ANKRD46: variants seen among roughly 807,000 people sequenced by gnomAD.
ANKRD46 encodes ankyrin repeat domain-containing protein 46.
A neutral mutation model predicts 19.8 loss-of-function variants in ANKRD46; 13 were observed. That is an observed-to-expected ratio of 0.66 (90% CI 0.43 to 1.04). ANKRD46 has a LOEUF of 1.04. Ranked by LOEUF, ANKRD46 falls within the 50% of genes least tolerant of loss-of-function variation. ANKRD46 has a pLI of 0.00. For missense variants in ANKRD46, 185 were observed against 274.8 expected (o/e 0.67, Z 2.31); for synonymous variants, 91 against 106.9 (o/e 0.85, Z 0.92).
At chr8:100,530,387 C>A (rs1057428386) in intron 2 of ANKRD46, among the ~76,000 whole-genome samples, 1 of 72,292 alleles carries the variant, frequency 1.4e-5, no homozygotes, top group Admixed American at 1.5e-4. Context: ...GTTTATAGCA[C>A]AATTTTTTTT....
At chr8:100,530,283 T>C (rs1264338212) in intron 2 of ANKRD46, among the ~76,000 whole-genome samples, 1 of 152,258 alleles carries the variant, frequency 6.6e-6, no homozygotes, top group Non-Finnish European at 1.5e-5. Context: ...CTTTGATATA[T>C]TTGCTTCTTC....
intron 4 of ANKRD46, 123 bp from the exon 5 acceptor site, chr8:100,522,894 CACACACACACAT>C: frequency 3.5e-6 from 2 of 572,342 alleles, no homozygotes; most frequent in Non-Finnish European, 3.0e-6. Context: ...CACACACACA[CACACACACACAT>C]ATATATATAT....
rs1428816943 is a variant in ANKRD46, at chr8:100,559,355, C to G, written c.-131+356G>C. The G allele has an allele frequency of 6.6e-6, 1 of 152,462 alleles. No homozygotes were observed. Among genetic ancestry groups the G allele is most frequent in the Non-Finnish European group, 1.5e-5 (1 of 68,246 alleles). The allele number at this position is 152,462 out of a possible 1,614,324, so 9.4% of individuals were successfully genotyped here. On this transcript the variant is annotated intron_variant, in intron 1 of 4. Coordinates refer to ENST00000335659, the MANE Select transcript of ANKRD46 (RefSeq NM_001270377.2). The surrounding 1 kb of genome is among the most constrained non-coding windows in gnomAD (Gnocchi z 6.0). ...GCACCGTCTCGCCCCGGCCGAGCAGCTGGACCTGCGGCGTGGCTTCCGCGC... is the reference window on the plus strand; with the variant it reads ...GCACCGTCTCGCCCCGGCCGAGCAGGTGGACCTGCGGCGTGGCTTCCGCGC...
In ANKRD46 at chr8:100,524,717, G is replaced by A. The variant is rs182231598; in HGVS notation, c.471-1946C>T. On this transcript the variant is annotated intron_variant, in intron 4 of 4. Transcript: ENST00000335659. The surrounding 1 kb of genome is among the most constrained non-coding windows in gnomAD (Gnocchi z 4.3). Reference sequence around the variant, plus strand: ...GACCTATGTAAAATTTATTGATTACGAGTTGACATGCCCTTATACATGTTA... The same window carrying A: ...GACCTATGTAAAATTTATTGATTACAAGTTGACATGCCCTTATACATGTTA... Among the ~76,000 whole-genome samples, 79 of 152,186 alleles carry A rather than the reference G, an allele frequency of 5.2e-4. No homozygotes were observed. The highest frequency in any genetic ancestry group is 1.9e-3 in the African/African-American group (77 of 41,502).
downstream of ANKRD46, chr8:100,520,741 TAAA>T (rs5893523): frequency 7.5e-4 from 541 of 718,758 alleles, no homozygotes; most frequent in South Asian, 1.3e-3. Flanking sequence ...TATAATACAC[TAAA>T]AAAAAAAAAA....
rs911951746 is a variant in ANKRD46 at position 100,510,792 on chromosome 8, C to T, written c.637-153G>A. Among the ~76,000 whole-genome samples, 10 of 152,192 alleles carry T rather than the reference C, an allele frequency of 6.6e-5. No individual in the cohort carries two copies. Among genetic ancestry groups the T allele is most frequent in the Non-Finnish European group, 1.5e-4 (10 of 68,036 alleles). ...TGCCCATCTCAGCTCTCAACGCTCA[C>T]AGGAAGGGTCCTGCCGCTTCACAAC... On this transcript the variant is annotated intron_variant, in intron 5 of 5. Transcript: ENST00000520552. The surrounding 1 kb of genome is among the most constrained non-coding windows in gnomAD (Gnocchi z 4.9).
Position 100,529,977 on chromosome 8 carries a change from G to T in ANKRD46, c.-27-117C>A, listed in dbSNP as rs2469652. Reference sequence around the variant, plus strand: ...GGCCTCCTGCCTCTAATAAATAAATGACCAAACAGAAACAACAACAAAGTT... The same window carrying T: ...GGCCTCCTGCCTCTAATAAATAAATTACCAAACAGAAACAACAACAAAGTT... On this transcript the variant is annotated intron_variant, in intron 2 of 4. Coordinates refer to ENST00000335659, the MANE Select transcript of ANKRD46 (RefSeq NM_001270377.2). This position sits in a 1 kb window ranked among gnomAD's most constrained non-coding sequence, Gnocchi z 5.8. 0.51 allele frequency: 327,738 copies of T among 642,918 alleles called. 88,120 individuals carry two copies. The highest frequency in any genetic ancestry group is 0.82 in the African/African-American group (44,642 of 54,538). 39.8% of individuals were successfully genotyped at this position (642,918 alleles called of 1,614,324 possible). A position where few individuals can be genotyped will look rare whatever the true frequency, so the allele number is the denominator to read the frequency against.
At chr8:100,533,895 T>C (rs1812011855) in intron 1 of ANKRD46, among the ~76,000 whole-genome samples, 1 of 152,238 alleles carries the variant, frequency 6.6e-6, no homozygotes, top group Non-Finnish European at 1.5e-5. Flanking sequence ...ATCTGTAGTC[T>C]TCTTTACATA....
chr8:100,522,323 C>T lies in ANKRD46; in HGVS notation c.*232G>A. 1.5e-6 allele frequency: 2 copies of T among 1,346,660 alleles called. No homozygotes were observed. Among genetic ancestry groups the T allele is most frequent in the East Asian group, 2.9e-5 (1 of 33,934 alleles). 83.4% of individuals were successfully genotyped at this position (1,346,660 alleles called of 1,614,324 possible). A position where few individuals can be genotyped will look rare whatever the true frequency, so the allele number is the denominator to read the frequency against. On this transcript the variant is annotated 3_prime_UTR_variant, in exon 5 of 5. Transcript: ENST00000335659. ...CAAACAAGGCTACGTGTAGGCTTTC[C>T]TACAAAGTCAGGTTGAGTCAGAGGT...
At chr8:100,554,316 CT>C (rs1586805807) in intron 1 of ANKRD46, among the ~76,000 whole-genome samples, 1 of 130,386 alleles carries the variant, frequency 7.7e-6, no homozygotes, top group East Asian at 2.0e-4. Context: ...CTGAACAGCA[CT>C]AAAAAAAAGT....
rs115456957 is a variant in ANKRD46 at position 100,549,161 on chromosome 8, G to A, written c.-131+10550C>T. Among the ~76,000 whole-genome samples the A allele has an allele frequency of 7.6e-3, 1,135 of 150,294 alleles. 18 individuals are homozygous for A. Among genetic ancestry groups the A allele is most frequent in the African/African-American group, 0.026 (1,051 of 40,928 alleles). ...CAGAATTTTTTTTTAAAACATATGG[G>A]GTCTCACTATGTTGCCCAGGCTGGC... On this transcript the variant is annotated intron_variant, in intron 1 of 4. Coordinates refer to ENST00000335659, the MANE Select transcript of ANKRD46 (RefSeq NM_001270377.2).
chr8:100,550,124 T>C lies in ANKRD46; in HGVS notation c.-131+9587A>G, dbSNP rs1485839740. ...CTGGCAATTATGAATAAGGCTGACA[T>C]GAACACCCACATGCAGGTTTTTGTG... is the stretch of plus-strand genomic sequence containing the variant. On this transcript the variant is annotated intron_variant, in intron 1 of 4. Coordinates refer to ENST00000335659, the MANE Select transcript of ANKRD46 (RefSeq NM_001270377.2). This position sits in a 1 kb window ranked among gnomAD's most constrained non-coding sequence, Gnocchi z 4.4. Among the ~76,000 whole-genome samples, 3 of 152,352 alleles carry C rather than the reference T, an allele frequency of 2.0e-5. No individual in the cohort carries two copies. The highest frequency in any genetic ancestry group is 7.2e-5 in the African/African-American group (3 of 41,586).
In ANKRD46 at chr8:100,510,037, G is replaced by A. The variant is rs1811526034; in HGVS notation, c.*540C>T. 1 of 152,516 alleles carries A rather than the reference G, an allele frequency of 6.6e-6. No individual in the cohort carries two copies. The highest frequency in any genetic ancestry group is 2.4e-5 in the African/African-American group (1 of 41,458). The allele number at this position is 152,516 out of a possible 1,614,324, so 9.4% of individuals were successfully genotyped here. On this transcript the variant is annotated 3_prime_UTR_variant, in exon 6 of 6. Transcript: ENST00000520552. The surrounding 1 kb of genome is among the most constrained non-coding windows in gnomAD (Gnocchi z 4.9). ...AGGGGCTCAGCCTTAGGGGCGGGAA[G>A]TCTTTTCTTCCACCCAAATCCATTG... is the stretch of plus-strand genomic sequence containing the variant.
At chr8:100,513,931 C>T (rs752946366) in intron 5 of ANKRD46, among the ~76,000 whole-genome samples, 17 of 152,182 alleles carry the variant, frequency 1.1e-4, no homozygotes, top group Non-Finnish European at 2.5e-4. Flanking sequence ...ACTTCAAAAC[C>T]TATTTTTATT....
intron 4 of ANKRD46, 64 bp from the exon 5 acceptor site, chr8:100,522,835 C>T: frequency 7.4e-7 from 1 of 1,356,936 alleles, no homozygotes; most frequent in Non-Finnish European, 1.0e-6. Context: ...AACATAAAAC[C>T]ACAGGGCTAC....
Position 100,521,812 on chromosome 8 carries a change from A to C in ANKRD46, c.*743T>G. On this transcript the variant is annotated 3_prime_UTR_variant, in exon 5 of 5. Coordinates refer to ENST00000335659, the MANE Select transcript of ANKRD46 (RefSeq NM_001270377.2). The stretch of plus-strand genomic sequence containing the variant: ...CTGACTGTAATTCTGATGAACTGTT[A>C]TCTTTGATGACTAGGATACTCGGGA... 1.0e-6 allele frequency: 1 copy of C among 985,382 alleles called. No homozygotes were observed. Among genetic ancestry groups the C allele is most frequent in the African/African-American group, 1.7e-5 (1 of 57,378 alleles). The allele number at this position is 985,382 out of a possible 1,614,324, so 61.0% of individuals were successfully genotyped here. A position where few individuals can be genotyped will look rare whatever the true frequency, so the allele number is the denominator to read the frequency against.
chr8:100,516,060 T>C (rs1448011416), downstream of ANKRD46, among the ~76,000 whole-genome samples: 3 of 152,106 alleles, frequency 2.0e-5, no homozygotes, highest in Non-Finnish European at 2.9e-5. Flanking sequence ...TCAGTAGAAA[T>C]GGGGTTTCTC....
Position 100,529,815 on chromosome 8 carries a change from T to G in ANKRD46, c.19A>C (p.Asn7His). 1 of 1,614,028 alleles carries G rather than the reference T, an allele frequency of 6.2e-7. No individual in the cohort carries two copies. The highest frequency in any genetic ancestry group is 8.5e-7 in the Non-Finnish European group (1 of 1,179,920). The change falls in exon 3 of 5, where the codon AAT becomes CAT. Residue 7 changes from asparagine to histidine, a missense_variant. Transcript: ENST00000335659. The surrounding 1 kb of genome is among the most constrained non-coding windows in gnomAD (Gnocchi z 5.8). ...GGCACGTTAGTCTGAGAAGAATCATTTACAAAAACATACGACATTGTTCTG... is the reference window on the plus strand; with the variant it reads ...GGCACGTTAGTCTGAGAAGAATCATGTACAAAAACATACGACATTGTTCTG... MSYVFV[N>H]DSSQTNVPLL...
rs369691090 is a variant in ANKRD46 at position 100,522,737 on chromosome 8, G to C, written c.505C>G (p.Leu169Val). 5.0e-6 allele frequency: 8 copies of C among 1,613,866 alleles called. No homozygotes were observed. The highest frequency in any genetic ancestry group is 1.3e-5 in the African/African-American group (1 of 74,832). Residue 169 changes from leucine to valine, a missense_variant, in exon 5 of 5, where the codon CTG becomes GTG. Transcript: ENST00000335659. ...MESHSLLNPN[L>V]QQGEGVLSSF... ...GAGAGGACTCCTTCACCTTGCTGCA[G>C]GTTGGGATTGAGGAGTGAATGGCTT... is the stretch of plus-strand genomic sequence containing the variant.
Sources: allele counts gnomAD v4.1 joint callset (sites outside exome capture counted in the v4.1 genomes callset), GRCh38; gene constraint gnomAD v4.1.1; non-coding constraint Gnocchi (gnomAD v3.1); transcripts MANE v1.5; gene names NCBI Gene and HGNC (gene_info 2026-07-23, HGNC 2026-07-21).